TGFBR3: variants seen among roughly 807,000 people sequenced by gnomAD.
TGFBR3 encodes the protein transforming growth factor beta receptor 3, also known as transforming growth factor beta receptor type 3.
Under a neutral mutation model 87.9 loss-of-function variants are expected in TGFBR3, and 46 were observed. The ratio of observed to expected loss-of-function variants is 0.52; its 90% confidence interval spans 0.41 to 0.67. The LOEUF is 0.67. Among genes scored for constraint, TGFBR3 ranks in the 30% least tolerant of loss-of-function variants. The pLI is 0.00. For missense variants in TGFBR3, 866 were observed against 1,041.9 expected, an observed-to-expected ratio of 0.83 and a Z score of 2.32; for synonymous variants, 381 against 391.6, an observed-to-expected ratio of 0.97 and a Z score of 0.32.
chr1:91,738,832 G>A (rs1673050708), intron 4 of TGFBR3, among the ~76,000 whole-genome samples: 1 of 152,214 alleles, frequency 6.6e-6, no homozygotes, highest in African/African-American at 2.4e-5. Flanking sequence ...AGACACAGTG[G>A]AGAATATGAC....
intron 3 of TGFBR3, among the ~76,000 whole-genome samples, chr1:91,787,205 G>A (rs1234829220): frequency 6.6e-6 from 1 of 151,988 alleles, no homozygotes; most frequent in Non-Finnish European, 1.5e-5. Context: ...GGAGGCTGAG[G>A]CAAGAGAATC....
intron 4 of TGFBR3, among the ~76,000 whole-genome samples, chr1:91,743,155 G>C (rs1673215896): frequency 6.6e-6 from 1 of 152,160 alleles, no homozygotes; most frequent in African/African-American, 2.4e-5. Flanking sequence ...CTGGCACTGA[G>C]GTTCTTTGCT....
chr1:91,760,646 A>G (rs1673925259), intron 3 of TGFBR3, among the ~76,000 whole-genome samples: 1 of 152,236 alleles, frequency 6.6e-6, no homozygotes, highest in African/African-American at 2.4e-5. Context: ...ATTTCTGCAC[A>G]CAGCTAGGAT....
rs1189515455 is a variant in TGFBR3 at position 91,683,332 on chromosome 1, TCTA to T, written c.*404_*406del. On this transcript the variant is annotated 3_prime_UTR_variant, in exon 17 of 17. Transcript: ENST00000212355. ...TCTTTGGCCGCATCTCCTCACTGGT[TCTA>T]CTATCTGGCTATTAACCCTTTACCA... 2 of 469,466 alleles carry T rather than the reference TCTA, an allele frequency of 4.3e-6. No homozygotes were observed. The highest frequency in any genetic ancestry group is 8.4e-6 in the Non-Finnish European group (2 of 237,176). 29.1% of individuals were successfully genotyped at this position (469,466 alleles called of 1,614,324 possible). A position where few individuals can be genotyped will look rare whatever the true frequency, so the allele number is the denominator to read the frequency against.
chr1:91,853,114 G>A (rs1401397549), intron 2 of TGFBR3, among the ~76,000 whole-genome samples: 5 of 151,548 alleles, frequency 3.3e-5, no homozygotes, highest in East Asian at 1.9e-4. Flanking sequence ...AGCCATGATC[G>A]CGCCACTGCA....
At chr1:91,801,083 CAA>C (rs55862227) in intron 2 of TGFBR3, 1,445 of 138,970 alleles carry the variant, frequency 0.01, 1 homozygote, top group South Asian at 0.043. Context: ...AACTCTGTCT[CAA>C]AAAAAAAAAA....
intron 2 of TGFBR3, among the ~76,000 whole-genome samples, chr1:91,834,157 A>G (rs188338106): frequency 8.5e-5 from 13 of 152,264 alleles, no homozygotes; most frequent in African/African-American, 3.1e-4. Flanking sequence ...TTCTTTTAAC[A>G]CTCAAAGCTA....
intron 2 of TGFBR3, among the ~76,000 whole-genome samples, chr1:91,847,018 G>A (rs976558129): frequency 4.6e-5 from 7 of 152,144 alleles, no homozygotes; most frequent in African/African-American, 1.2e-4. Context: ...TGAGTCTTGC[G>A]GCGAGCTCCA....
Position 91,904,531 on chromosome 1 carries a change from G to A in TGFBR3, c.-175+1295C>T, listed in dbSNP as rs12239903. Among the ~76,000 whole-genome samples the A allele has an allele frequency of 9.4e-4, 142 of 151,302 alleles. 1 individual carries two copies. In the East Asian group the frequency reaches 0.026, roughly 28 times the overall value. The stretch of plus-strand genomic sequence containing the variant: ...CCTGCCTCAGCCTCCCAGGTAGCTG[G>A]GATTACAGACGCGTGCCACCACATG... On this transcript the variant is annotated intron_variant, in intron 1 of 17. Coordinates refer to the TGFBR3 transcript ENST00000370399.
intron 1 of TGFBR3, among the ~76,000 whole-genome samples, chr1:91,872,501 A>G (rs909610475): frequency 1.3e-5 from 2 of 152,206 alleles, no homozygotes; most frequent in African/African-American, 4.8e-5. Flanking sequence ...ATTTCTCTTC[A>G]AAGAAATTAC....
At chr1:91,810,343 G>A (rs1675986197) in intron 2 of TGFBR3, among the ~76,000 whole-genome samples, 1 of 152,044 alleles carries the variant, frequency 6.6e-6, no homozygotes, top group African/African-American at 2.4e-5. Context: ...ACAGGCATGA[G>A]CCACCGTGCC....
chr1:91,806,736 G>A (rs936933028), intron 2 of TGFBR3, among the ~76,000 whole-genome samples: 7 of 152,312 alleles, frequency 4.6e-5, no homozygotes, highest in Non-Finnish European at 5.9e-5. Flanking sequence ...TCGCAGTGGG[G>A]AGATTTTATT....
intron 3 of TGFBR3, among the ~76,000 whole-genome samples, chr1:91,768,548 G>C (rs1557700584): frequency 6.6e-6 from 1 of 152,098 alleles, no homozygotes; most frequent in Admixed American, 6.5e-5. Context: ...TGCATTATAG[G>C]GGTAGTTTCT....
Position 91,733,953 on chromosome 1 carries a change from TG to T in TGFBR3, c.568+822del, listed in dbSNP as rs17885017. On this transcript the variant is annotated intron_variant, in intron 5 of 16. Transcript: ENST00000212355. ...GGGAGACTGAAGCAGGAGAATCACT[TG>T]AGCCCTGCAGGTTGAGGCTGCAGTG... is the stretch of plus-strand genomic sequence containing the variant. Among the ~76,000 whole-genome samples, 724 of 150,220 alleles carry T rather than the reference TG, an allele frequency of 4.8e-3. 3 individuals are homozygous for T. Among genetic ancestry groups the T allele is most frequent in the Non-Finnish European group, 8.0e-3 (544 of 67,768 alleles).
At chr1:91,746,875 A>G (rs1380475633) in intron 4 of TGFBR3, among the ~76,000 whole-genome samples, 1 of 152,214 alleles carries the variant, frequency 6.6e-6, no homozygotes, top group Non-Finnish European at 1.5e-5. Context: ...TTCTCACTCT[A>G]GAGCTCTTTC....
At chr1:91,821,970 G>T (rs1676466364) in intron 2 of TGFBR3, among the ~76,000 whole-genome samples, 1 of 152,132 alleles carries the variant, frequency 6.6e-6, no homozygotes, top group African/African-American at 2.4e-5. Context: ...TATTTTGAAA[G>T]TTCCCAGCTC....
At chr1:91,804,147 A>G (rs1161504644) in intron 2 of TGFBR3, among the ~76,000 whole-genome samples, 1 of 152,116 alleles carries the variant, frequency 6.6e-6, no homozygotes, top group Non-Finnish European at 1.5e-5. Flanking sequence ...TCTTTACCTG[A>G]GAGCCAAAGC....
At chr1:91,897,841 C>G (rs1679583340) in intron 2 of TGFBR3, among the ~76,000 whole-genome samples, 1 of 151,982 alleles carries the variant, frequency 6.6e-6, no homozygotes, top group Non-Finnish European at 1.5e-5. Flanking sequence ...AGTCAACATC[C>G]AAAACTGATC....
chr1:91,857,348 CCATTT>C (rs1677995742), intron 2 of TGFBR3, among the ~76,000 whole-genome samples: 1 of 151,594 alleles, frequency 6.6e-6, no homozygotes, highest in Admixed American at 6.6e-5. Flanking sequence ...TCCAGGTCAT[CCATTT>C]ATTTAAAAAA....
Sources: allele counts gnomAD v4.1 joint callset (sites outside exome capture counted in the v4.1 genomes callset), GRCh38; gene constraint gnomAD v4.1.1; transcripts MANE v1.5; gene names NCBI Gene and HGNC (gene_info 2026-07-23, HGNC 2026-07-21).